ABL1: variants seen among roughly 807,000 people sequenced by gnomAD.
The protein encoded by ABL1 is tyrosine-protein kinase ABL1.
ABL1 carries 11 observed loss-of-function variants against 94.7 expected under a neutral mutation model. That is an observed-to-expected ratio of 0.12 (90% CI 0.07 to 0.19). ABL1 has a LOEUF of 0.19. Ranked by LOEUF, ABL1 falls within the 10% of genes least tolerant of loss-of-function variation. The pLI is 1.00. For synonymous variants in ABL1, 656 were observed against 622.4 expected (o/e 1.05, Z -0.80); for missense variants, 1,082 against 1,489.4 (o/e 0.73, Z 4.50).
intron 1 of ABL1, among the ~76,000 whole-genome samples, chr9:130,848,529 A>G (rs187195158): frequency 0.022 from 3,283 of 152,040 alleles, 60 homozygotes; most frequent in Middle Eastern, 0.044. Flanking sequence ...AAAAAAAAAA[A>G]AAAAAAATTT....
At chr9:130,808,595 GTAGA>G (rs918451436) in intron 1 of ABL1, among the ~76,000 whole-genome samples, 5 of 152,126 alleles carry the variant, frequency 3.3e-5, no homozygotes, top group Non-Finnish European at 5.9e-5. Context: ...AGGCAGGTGG[GTAGA>G]TAGATAGGGC....
intron 1 of ABL1, among the ~76,000 whole-genome samples, chr9:130,743,043 A>G (rs543569796): frequency 6.6e-6 from 1 of 152,272 alleles, no homozygotes; most frequent in South Asian, 2.1e-4. Flanking sequence ...AACATTTGTC[A>G]TACAGCTATT....
chr9:130,808,240 TC>T (rs869296284), intron 1 of ABL1, among the ~76,000 whole-genome samples: 10,561 of 140,004 alleles, frequency 0.075, 554 homozygotes, highest in African/African-American at 0.13. Flanking sequence ...TTCTTCTTCT[TC>T]TTCTTCTTTT....
chr9:130,824,072 A>C (rs559118880), intron 1 of ABL1, among the ~76,000 whole-genome samples: 45 of 152,324 alleles, frequency 3.0e-4, no homozygotes, highest in Non-Finnish European at 5.4e-4. Context: ...AGGAAACAAT[A>C]GGGTCTGTCT....
At chr9:130,838,760 G>C (rs1465168480) in intron 1 of ABL1, among the ~76,000 whole-genome samples, 1 of 152,170 alleles carries the variant, frequency 6.6e-6, no homozygotes, top group Non-Finnish European at 1.5e-5. Context: ...TTTGAATTCA[G>C]GGTTTTCTTT....
At chr9:130,834,207 A>G (rs1428038221), upstream of ABL1, among the ~76,000 whole-genome samples, 1 of 152,258 alleles carries the variant, frequency 6.6e-6, no homozygotes, top group East Asian at 1.9e-4. Context: ...CATGGCACAT[A>G]GGAAGAGCAC....
chr9:130,747,110 C>G (rs750299907), intron 1 of ABL1, among the ~76,000 whole-genome samples: 2 of 152,034 alleles, frequency 1.3e-5, no homozygotes, highest in East Asian at 3.9e-4. Context: ...GAGCATGGCT[C>G]ATGCCTGTAA....
chr9:130,797,181 A>G (rs1829986802), intron 1 of ABL1, among the ~76,000 whole-genome samples: 1 of 127,358 alleles, frequency 7.9e-6, no homozygotes, highest in South Asian at 2.8e-4. Flanking sequence ...GGTTGCGGTG[A>G]GCCGAGATCG....
intron 1 of ABL1, among the ~76,000 whole-genome samples, chr9:130,847,648 G>T (rs1405260939): frequency 6.6e-6 from 1 of 152,210 alleles, no homozygotes; most frequent in African/African-American, 2.4e-5. Flanking sequence ...CTACACTTCA[G>T]TGTCTCGGTC....
At chr9:130,876,106 G>A (rs545639083) in intron 7 of ABL1, among the ~76,000 whole-genome samples, 1 of 152,264 alleles carries the variant, frequency 6.6e-6, no homozygotes, top group African/African-American at 2.4e-5. Context: ...GATTACAGGC[G>A]TGAGCCACCA....
chr9:130,815,270 G>T (rs936127808), intron 1 of ABL1, among the ~76,000 whole-genome samples: 1 of 151,794 alleles, frequency 6.6e-6, no homozygotes, highest in East Asian at 2.0e-4. Context: ...GGAGGCGGAG[G>T]TTGCAGTGAG....
intron 1 of ABL1, among the ~76,000 whole-genome samples, chr9:130,750,480 C>G (rs1352069641): frequency 7.7e-6 from 1 of 129,294 alleles, no homozygotes; most frequent in Non-Finnish European, 1.6e-5. Context: ...TTGACAGAGT[C>G]TCACTGTGTT....
At chr9:130,754,671 T>C (rs1245772271) in intron 1 of ABL1, among the ~76,000 whole-genome samples, 1 of 110,034 alleles carries the variant, frequency 9.1e-6, no homozygotes, top group Non-Finnish European at 1.7e-5. Flanking sequence ...AGCAATCAAG[T>C]AATGGGGGGG....
chr9:130,759,166 T>C (rs1206808194), intron 1 of ABL1, among the ~76,000 whole-genome samples: 1 of 152,136 alleles, frequency 6.6e-6, no homozygotes, highest in Non-Finnish European at 1.5e-5. Flanking sequence ...TGGGACCCGC[T>C]TAACTTCCCA....
chr9:130,875,784 CATTT>C, intron 7 of ABL1, among the ~76,000 whole-genome samples: 1 of 152,182 alleles, frequency 6.6e-6, no homozygotes, highest in South Asian at 2.1e-4. Flanking sequence ...CAAAATGCTT[CATTT>C]ATTTCCTTCC....
intron 1 of ABL1, among the ~76,000 whole-genome samples, chr9:130,849,113 T>C (rs1024075444): frequency 6.6e-6 from 1 of 152,224 alleles, no homozygotes; most frequent in African/African-American, 2.4e-5. Context: ...GCGAGTATAT[T>C]CTCAAACTTA....
chr9:130,806,888 T>C (rs1334571980), intron 1 of ABL1, among the ~76,000 whole-genome samples: 3 of 152,174 alleles, frequency 2.0e-5, no homozygotes, highest in Admixed American at 2.0e-4. Context: ...CAGTGGCTCA[T>C]GCCTGTAATT....
At chr9:130,804,186 C>A (rs528128115) in intron 1 of ABL1, among the ~76,000 whole-genome samples, 35 of 151,942 alleles carry the variant, frequency 2.3e-4, no homozygotes, top group Non-Finnish European at 4.3e-4. Context: ...GAAACCCTGT[C>A]TCTACTAAAA....
chr9:130,759,622 T>C (rs562541628), intron 1 of ABL1, among the ~76,000 whole-genome samples: 1 of 152,332 alleles, frequency 6.6e-6, no homozygotes, highest in South Asian at 2.1e-4. Flanking sequence ...TGTACTCGAA[T>C]ATCAAATGAC....
Sources: allele counts gnomAD v4.1 joint callset (sites outside exome capture counted in the v4.1 genomes callset), GRCh38; gene constraint gnomAD v4.1.1; transcripts MANE v1.5; gene names NCBI Gene and HGNC (gene_info 2026-07-23, HGNC 2026-07-21).